Variants in EXPH5 observed in about 807,000 individuals in gnomAD.
The protein encoded by EXPH5 is exophilin-5.
A neutral mutation model predicts 41.1 loss-of-function variants in EXPH5; 42 were observed. That is an observed-to-expected ratio of 1.02 (90% CI 0.80 to 1.32). The LOEUF is 1.32. Among genes scored for constraint, EXPH5 ranks in the 40% most tolerant of loss-of-function variants. The pLI is 0.00. For missense variants in EXPH5, 2,298 were observed against 2,314.5 expected (o/e 0.99, Z 0.15); for synonymous variants, 798 against 833.5 (o/e 0.96, Z 0.73).
At chr11:108,575,531 G>A (rs373840672) in intron 1 of EXPH5, among the ~76,000 whole-genome samples, 3 of 152,102 alleles carry the variant, frequency 2.0e-5, no homozygotes, top group Admixed American at 6.5e-5. Flanking sequence ...ATATTGGAAT[G>A]GTTAACTAAA....
chr11:108,601,349 T>C, the EXPH5 span, among the ~76,000 whole-genome samples: 1 of 152,218 alleles, frequency 6.6e-6, no homozygotes, highest in African/African-American at 2.4e-5. Flanking sequence ...CATACTTCAG[T>C]TAATAGTCAT....
At chr11:108,601,705 C>T in the EXPH5 span, among the ~76,000 whole-genome samples, 2 of 152,032 alleles carry the variant, frequency 1.3e-5, no homozygotes, top group African/African-American at 4.8e-5. Flanking sequence ...CTCCCTCCCT[C>T]CCTCTCTTTC....
At position 108,510,811 on chromosome 11, in the gene EXPH5, G is replaced by T; in HGVS notation, c.4696C>A (p.Gln1566Lys). The part of the protein sequence containing the change: ...EDEMQKSAWD[Q>K]PSLPEGNKNK... ...TTGTTTCCTTCAGGAAGTGAAGGTT[G>T]ATCCCAAGCTGACTTCTGCATTTCA... The change falls in exon 6 of 6, where the codon CAA becomes AAA. Residue 1566 changes from glutamine to lysine, a missense_variant. By Grantham distance (53) the Gln-to-Lys change is moderately conservative (BLOSUM62 1). Coordinates refer to ENST00000265843, the MANE Select transcript of EXPH5 (RefSeq NM_015065.3). 1 of 1,614,100 alleles carries T rather than the reference G, an allele frequency of 6.2e-7. No individual in the cohort carries two copies. Among genetic ancestry groups the T allele is most frequent in the South Asian group, 1.1e-5 (1 of 91,060 alleles).
chr11:108,577,254 T>C (rs1356625963), intron 1 of EXPH5, among the ~76,000 whole-genome samples: 1 of 152,232 alleles, frequency 6.6e-6, no homozygotes, highest in Non-Finnish European at 1.5e-5. Context: ...TTTGAATATG[T>C]ACCTAGCAAT....
Position 108,527,153 on chromosome 11 carries a change from C to T in EXPH5, c.492+983G>A, listed in dbSNP as rs150571381. On this transcript the variant is annotated intron_variant, in intron 4 of 5. Transcript: ENST00000265843. ...TGGCCAATATGGTGAAACCCTGTGT[C>T]TACTAAAAATATAAAAATTAGCTGG... 2.9e-3 allele frequency among the ~76,000 whole-genome samples: 438 copies of T among 152,138 alleles called. 1 individual carries two copies. Among genetic ancestry groups the T allele is most frequent in the African/African-American group, 0.01 (420 of 41,498 alleles).
chr11:108,519,535 C>G (rs1383695441), intron 4 of EXPH5, among the ~76,000 whole-genome samples: 1 of 152,014 alleles, frequency 6.6e-6, no homozygotes, highest in Non-Finnish European at 1.5e-5. Context: ...TCACTTGAGG[C>G]CAGGAGTTCG....
chr11:108,607,217 AAGAC>A, the EXPH5 span, among the ~76,000 whole-genome samples: 1 of 152,224 alleles, frequency 6.6e-6, no homozygotes, highest in African/African-American at 2.4e-5. Context: ...AAATAACTGA[AAGAC>A]AGAAAGAATT....
chr11:108,549,034 GT>G (rs1424426566), intron 1 of EXPH5, among the ~76,000 whole-genome samples: 1 of 152,214 alleles, frequency 6.6e-6, no homozygotes, highest in African/African-American at 2.4e-5. Context: ...ATGTGGGCTT[GT>G]TATATGTTCA....
chr11:108,528,725 G>A (rs551198187), intron 3 of EXPH5, among the ~76,000 whole-genome samples: 1 of 124,286 alleles, frequency 8.0e-6, no homozygotes, highest in Admixed American at 8.4e-5. Context: ...TTTTGAGATG[G>A]AGTTTTGCTC....
intron 1 of EXPH5, among the ~76,000 whole-genome samples, chr11:108,590,077 T>A (rs1043380266): frequency 6.6e-6 from 1 of 152,224 alleles, no homozygotes; most frequent in East Asian, 1.9e-4. Flanking sequence ...ATGAGAAATA[T>A]CCAAGAATTG....
intron 3 of EXPH5, among the ~76,000 whole-genome samples, chr11:108,532,362 ATATATTTTTTTTTTTTTTTTT>A (rs2093847338): frequency 5.0e-5 from 1 of 20,146 alleles, no homozygotes; most frequent in African/African-American, 3.8e-4. Context: ...ATATATATAT[ATATATTTTTTTTTTTTTTTTT>A]TTTTTTTTTT....
chr11:108,571,366 G>A (rs1355988751), intron 1 of EXPH5, among the ~76,000 whole-genome samples: 1 of 152,128 alleles, frequency 6.6e-6, no homozygotes, highest in Non-Finnish European at 1.5e-5. Flanking sequence ...TGAGAATAGG[G>A]GAGAAACTGA....
Position 108,513,067 on chromosome 11 carries a change from G to C in EXPH5, c.2440C>G (p.Gln814Glu), listed in dbSNP as rs2135920842. The C allele has an allele frequency of 1.9e-6, 3 of 1,612,432 alleles. No individual in the cohort carries two copies. The East Asian group carries it at 6.7e-5, about 36-fold the overall frequency. ...AAAGATGGTGGTGTTCTGTGTTCCT[G>C]AATGAAAGGAAGGGAAGCTGTTGAG... Reference protein sequence around the residue: ...LGSTASLPFIQEHRTPPSFPR... With the variant: ...LGSTASLPFIEEHRTPPSFPR... The change falls in exon 6 of 6, where the codon CAG (glutamine) becomes GAG (glutamate). Residue 814 changes from glutamine to glutamate, a missense_variant. Transcript: ENST00000265843.
upstream of EXPH5, chr11:108,593,807 G>GGGGGCGGGCCCTCCCTTGTCCCCTCCCTC: frequency 6.7e-7 from 1 of 1,488,182 alleles, no homozygotes; most frequent in South Asian, 1.2e-5. Flanking sequence ...CCCGTTCCAA[G>GGGGGCGGGCCCTCCCTTGTCCCCTCCCTC]GGGGCGGGCC....
the EXPH5 span, among the ~76,000 whole-genome samples, chr11:108,607,409 A>G: frequency 6.6e-6 from 1 of 152,218 alleles, no homozygotes; most frequent in African/African-American, 2.4e-5. Context: ...ATATCCTCCA[A>G]AAAATATTCT....
intron 1 of EXPH5, among the ~76,000 whole-genome samples, chr11:108,588,174 A>C (rs1247392872): frequency 1.3e-5 from 2 of 152,262 alleles, no homozygotes; most frequent in African/African-American, 4.8e-5. Flanking sequence ...TATAGAATGC[A>C]TATATGCATT....
chr11:108,572,057 A>AT (rs2094062281), intron 1 of EXPH5, among the ~76,000 whole-genome samples: 1 of 151,624 alleles, frequency 6.6e-6, no homozygotes, highest in Non-Finnish European at 1.5e-5. Flanking sequence ...CTCCAAAAAA[A>AT]AAAAAGGCAT....
At chr11:108,599,902 A>G in the EXPH5 span, among the ~76,000 whole-genome samples, 1 of 152,330 alleles carries the variant, frequency 6.6e-6, no homozygotes, top group African/African-American at 2.4e-5. Context: ...CCTGCTCTCA[A>G]TAGATTTTGG....
At chr11:108,573,987 C>T (rs2094071442) in intron 1 of EXPH5, among the ~76,000 whole-genome samples, 3 of 152,050 alleles carry the variant, frequency 2.0e-5, no homozygotes, top group South Asian at 4.1e-4. Flanking sequence ...CTGCAAGCTC[C>T]GCCTCCCGGG....
Sources: allele counts gnomAD v4.1 joint callset (sites outside exome capture counted in the v4.1 genomes callset), GRCh38; gene constraint gnomAD v4.1.1; transcripts MANE v1.5; gene names NCBI Gene and HGNC (gene_info 2026-07-23, HGNC 2026-07-21).